LIPN: variants seen among roughly 807,000 people sequenced by gnomAD.
LIPN encodes the protein lipase family member N.
LIPN carries 32 observed loss-of-function variants against 43.7 expected under a neutral mutation model. That is an observed-to-expected ratio of 0.73 (90% CI 0.55 to 0.98). LIPN has a LOEUF of 0.98. Ranked by LOEUF, LIPN falls within the 50% of genes least tolerant of loss-of-function variation. The probability of loss-of-function intolerance (pLI) is 0.00; values close to 1 mark genes in which losing one functional copy is unlikely to be tolerated. For synonymous variants in LIPN, 156 were observed against 157.6 expected (o/e 0.99, Z 0.08); for missense variants, 505 against 483.8 (o/e 1.04, Z -0.41).
rs759633209 is a variant in LIPN, at chr10:88,761,392, T to C, written c.-8-6T>C. The C allele has an allele frequency of 1.3e-6, 2 of 1,500,250 alleles. No individual in the cohort carries two copies. Among genetic ancestry groups the C allele is most frequent in the East Asian group, 2.3e-5 (1 of 44,208 alleles). 92.9% of individuals were successfully genotyped at this position (1,500,250 alleles called of 1,614,324 possible). Reference sequence around the variant, plus strand: ...TAATCTGTGAATATTAAATGTTTTATGCCAGGCATTTCTATGATGTGGCTG... The same window carrying C: ...TAATCTGTGAATATTAAATGTTTTACGCCAGGCATTTCTATGATGTGGCTG... On this transcript the variant is annotated splice_polypyrimidine_tract_variant and splice_region_variant and intron_variant, in intron 1 of 9. Transcript: ENST00000404459.
At chr10:88,758,609 ATAC>A (rs1842955913), upstream of LIPN, among the ~76,000 whole-genome samples, 1 of 149,706 alleles carries the variant, frequency 6.7e-6, no homozygotes, top group South Asian at 2.1e-4. Context: ...AAAATATATA[ATAC>A]TCAGTAATAT....
chr10:88,765,099 G>A (rs886784040), intron 4 of LIPN, among the ~76,000 whole-genome samples: 1 of 152,000 alleles, frequency 6.6e-6, no homozygotes, highest in Non-Finnish European at 1.5e-5. Context: ...TAGAGAAACT[G>A]TGATTGATTT....
At chr10:88,775,004 C>A in intron 8 of LIPN, 88 bp from the exon 9 acceptor site, 1 of 825,162 alleles carries the variant, frequency 1.2e-6, no homozygotes, top group South Asian at 1.6e-5. Context: ...CTATTTTCGT[C>A]CTAGCATACA....
intron 9 of LIPN, among the ~76,000 whole-genome samples, chr10:88,777,682 C>G (rs1039601404): frequency 6.6e-6 from 1 of 151,818 alleles, no homozygotes; most frequent in African/African-American, 2.4e-5. Context: ...ACCCTCATCT[C>G]TGCTGTCAAA....
chr10:88,772,031 G>A (rs1843217686), intron 7 of LIPN, among the ~76,000 whole-genome samples: 1 of 151,520 alleles, frequency 6.6e-6, no homozygotes, highest in Non-Finnish European at 1.5e-5. Context: ...TGTTTTTAAT[G>A]TACCTCTTGG....
chr10:88,759,676 C>T (rs983897983), upstream of LIPN, among the ~76,000 whole-genome samples: 6 of 152,056 alleles, frequency 3.9e-5, no homozygotes, highest in Admixed American at 2.6e-4. Flanking sequence ...TATGTTACTC[C>T]GTTTGATCCT....
chr10:88,777,808 A>G (rs1673870255), intron 9 of LIPN, among the ~76,000 whole-genome samples: 1 of 152,110 alleles, frequency 6.6e-6, no homozygotes, highest in Non-Finnish European at 1.5e-5. Context: ...ATGGCATTTA[A>G]CATACCTTAC....
chr10:88,779,091 C>T lies in LIPN; in HGVS notation c.*849C>T, dbSNP rs930755058. 3.3e-5 allele frequency among the ~76,000 whole-genome samples: 5 copies of T among 152,120 alleles called. No homozygotes were observed. Among genetic ancestry groups the T allele is most frequent in the Non-Finnish European group, 7.4e-5 (5 of 68,024 alleles). Reference sequence around the variant, plus strand: ...TCTCTAAACATTAAGTATTTTCTTCCTCCATCTTAAAAGCAATGAGAAGCC... The same window carrying T: ...TCTCTAAACATTAAGTATTTTCTTCTTCCATCTTAAAAGCAATGAGAAGCC... On this transcript the variant is annotated 3_prime_UTR_variant, in exon 10 of 10. Coordinates refer to ENST00000404459, the MANE Select transcript of LIPN (RefSeq NM_001102469.2).
intron 9 of LIPN, among the ~76,000 whole-genome samples, chr10:88,776,365 T>C (rs1300366810): frequency 6.6e-6 from 1 of 152,138 alleles, no homozygotes; most frequent in African/African-American, 2.4e-5. Flanking sequence ...AAACATGCTA[T>C]ATTTATAAAT....
At chr10:88,764,267 A>G in intron 3 of LIPN, 143 bp from the exon 4 acceptor site, 1 of 583,670 alleles carries the variant, frequency 1.7e-6, no homozygotes, top group Non-Finnish European at 3.0e-6. Context: ...GGGAAAAGTG[A>G]AAACAGTTTT....
chr10:88,763,668 T>C (rs1255705236), intron 3 of LIPN, among the ~76,000 whole-genome samples: 1 of 152,010 alleles, frequency 6.6e-6, no homozygotes, highest in Non-Finnish European at 1.5e-5. Context: ...CTCTTAGTCA[T>C]TAAATTATAG....
At chr10:88,769,995 A>T (rs1843178017) in intron 6 of LIPN, among the ~76,000 whole-genome samples, 1 of 151,932 alleles carries the variant, frequency 6.6e-6, no homozygotes, top group Non-Finnish European at 1.5e-5. Context: ...CTGTAAATAC[A>T]TATATGCGTT....
chr10:88,773,549 C>A (rs796782418), intron 7 of LIPN, among the ~76,000 whole-genome samples: 8 of 151,808 alleles, frequency 5.3e-5, no homozygotes, highest in African/African-American at 1.9e-4. Context: ...AGCAGCAGTC[C>A]TGTTTTATCA....
chr10:88,775,972 C>A (rs2133031721), intron 9 of LIPN, among the ~76,000 whole-genome samples: 1 of 152,046 alleles, frequency 6.6e-6, no homozygotes, highest in Admixed American at 6.6e-5. Flanking sequence ...ATCCTTAAAA[C>A]CACTACAAGA....
At position 88,773,943 on chromosome 10, in the gene LIPN, A is replaced by G. The variant is rs17363441; in HGVS notation, c.820-530A>G. 8.5e-4 allele frequency among the ~76,000 whole-genome samples: 129 copies of G among 152,152 alleles called. 1 individual carries two copies. The Middle Eastern group carries it at 0.024, about 28-fold the overall frequency. On this transcript the variant is annotated intron_variant, in intron 7 of 9. Coordinates refer to ENST00000404459, the MANE Select transcript of LIPN (RefSeq NM_001102469.2). ...AATTGGCTTTTAGCTTTACTTTTGC[A>G]ATATTTTATTTTATCCCCATAAAAG...
intron 6 of LIPN, among the ~76,000 whole-genome samples, chr10:88,770,613 G>GT (rs1242088978): frequency 6.6e-6 from 1 of 151,818 alleles, no homozygotes; most frequent in African/African-American, 2.4e-5. Flanking sequence ...GACTGAATCA[G>GT]TAAGTACAAA....
rs1241053812 is a variant in LIPN, at chr10:88,774,476, C to T, written c.823C>T (p.Arg275Ter). Residue 275 changes from arginine (R) to a stop codon, truncating the protein, a stop_gained, in exon 8 of 10, where the codon CGA becomes TGA. Coordinates refer to ENST00000404459, the MANE Select transcript of LIPN (RefSeq NM_001102469.2). LOFTEE classifies it high-confidence loss of function. ...ATATGAGTTTTATCTCCTTTAGAGT[C>T]GAATGGATGTGTATATGTCACATGC... ...GSNKKNMNQSRMDVYMSHAPT... is the reference protein window; with the variant it reads ...GSNKKNMNQS The T allele has an allele frequency of 5.6e-6, 9 of 1,607,652 alleles. No individual in the cohort carries two copies. Among genetic ancestry groups the T allele is most frequent in the African/African-American group, 4.0e-5 (3 of 74,590 alleles).
chr10:88,763,870 A>G (rs968185153), intron 3 of LIPN, among the ~76,000 whole-genome samples: 1 of 151,882 alleles, frequency 6.6e-6, no homozygotes, highest in Non-Finnish European at 1.5e-5. Flanking sequence ...ATTTACACTC[A>G]CCTCCTCTTC....
rs1221778142 is a variant in LIPN, at chr10:88,778,738, A to C, written c.*496A>C. ...ATTTTTACTTTTTTAGGTATTTTCA[A>C]CATCAGAAATTCAAAAAAGTCCCCA... On this transcript the variant is annotated 3_prime_UTR_variant, in exon 10 of 10. Transcript: ENST00000404459. Among the ~76,000 whole-genome samples the C allele has an allele frequency of 6.6e-6, 1 of 152,152 alleles. No individual in the cohort carries two copies. Among genetic ancestry groups the C allele is most frequent in the African/African-American group, 2.4e-5 (1 of 41,440 alleles).
Sources: gnomAD v4.1 joint callset for allele counts (sites outside exome capture counted in the v4.1 genomes callset) on GRCh38, gnomAD v4.1.1 for gene constraint, MANE v1.5 for transcripts, NCBI Gene and HGNC (gene_info 2026-07-23, HGNC 2026-07-21) for gene names.